The following SOX5 variants were observed in gnomAD, a reference collection of about 807,000 sequenced individuals.
The protein encoded by SOX5 is SRY-box transcription factor 5.
A neutral mutation model predicts 92.0 loss-of-function variants in SOX5; 9 were observed. The observed-to-expected ratio is 0.10, with a 90% CI of 0.06 to 0.17. The LOEUF is 0.17. Among genes scored for constraint, SOX5 ranks in the 10% least tolerant of loss-of-function variants. The pLI is 1.00. For synonymous variants in SOX5, 344 were observed against 336.3 expected (o/e 1.02, Z -0.25); for missense variants, 642 against 944.5 (o/e 0.68, Z 4.20).
intron 3 of SOX5, among the ~76,000 whole-genome samples, chr12:23,786,307 A>G (rs2095376104): frequency 6.6e-6 from 1 of 151,986 alleles, no homozygotes; most frequent in Admixed American, 6.6e-5. Context: ...AGTTCAAACT[A>G]TTGTATGTAG....
chr12:23,678,389 A>G (rs2086046629), intron 6 of SOX5, among the ~76,000 whole-genome samples: 1 of 152,176 alleles, frequency 6.6e-6, no homozygotes, highest in Non-Finnish European at 1.5e-5. Context: ...ATATTTAAAT[A>G]AAGATGAATT....
intron 11 of SOX5, among the ~76,000 whole-genome samples, chr12:23,550,350 T>C (rs910030274): frequency 6.6e-6 from 1 of 151,946 alleles, no homozygotes; most frequent in Non-Finnish European, 1.5e-5. Flanking sequence ...TAGACAAATA[T>C]GTTATCCTCC....
intron 6 of SOX5, among the ~76,000 whole-genome samples, chr12:23,676,997 T>C (rs1005499921): frequency 2.6e-5 from 4 of 152,200 alleles, no homozygotes; most frequent in Non-Finnish European, 5.9e-5. Flanking sequence ...AAGTGATTAT[T>C]TAAAAAGATA....
chr12:23,926,541 T>A (rs968610137), intron 1 of SOX5, among the ~76,000 whole-genome samples: 2 of 152,148 alleles, frequency 1.3e-5, no homozygotes, highest in Non-Finnish European at 2.9e-5. Flanking sequence ...TCTGAACTTA[T>A]GGATTATGTT....
intron 1 of SOX5, among the ~76,000 whole-genome samples, chr12:24,442,158 G>C (rs1436254275): frequency 6.6e-6 from 1 of 152,188 alleles, no homozygotes; most frequent in African/African-American, 2.4e-5. Flanking sequence ...GTGAACTTCT[G>C]AGATTTGTAA....
intron 4 of SOX5, among the ~76,000 whole-genome samples, chr12:24,106,635 T>C (rs1946701837): frequency 6.6e-6 from 1 of 151,538 alleles, no homozygotes; most frequent in Non-Finnish European, 1.5e-5. Flanking sequence ...CTATTAAAAA[T>C]ACAAAACTTA....
intron 2 of SOX5, among the ~76,000 whole-genome samples, chr12:24,321,252 G>A (rs894166551): frequency 6.6e-6 from 1 of 152,176 alleles, no homozygotes; most frequent in Non-Finnish European, 1.5e-5. Flanking sequence ...TTTGTGAACT[G>A]TTTCATTAAT....
chr12:23,601,989 C>G (rs1201935717), intron 9 of SOX5, among the ~76,000 whole-genome samples: 1 of 152,072 alleles, frequency 6.6e-6, no homozygotes, highest in South Asian at 2.1e-4. Context: ...TTAGTTAAAC[C>G]TTTGTGTATT....
intron 2 of SOX5, among the ~76,000 whole-genome samples, chr12:24,319,477 A>G (rs1165765673): frequency 3.9e-5 from 6 of 152,306 alleles, no homozygotes; most frequent in African/African-American, 7.2e-5. Context: ...CCCATAATCA[A>G]TTAATCACCA....
Position 23,557,414 on chromosome 12 carries a change from A to G in SOX5, c.1488+5844T>C, listed in dbSNP as rs888872149. On this transcript the variant is annotated intron_variant, in intron 11 of 14. Coordinates refer to ENST00000451604, the MANE Select transcript of SOX5 (RefSeq NM_006940.6). ...GACAGATGAATTCATAGCATGCATT[A>G]TATGTTTATATTCCAGGTACACTGT... 2.6e-5 allele frequency among the ~76,000 whole-genome samples: 4 copies of G among 152,328 alleles called. No homozygotes were observed. The South Asian group carries it at 6.2e-4, about 24-fold the overall frequency.
chr12:24,345,010 C>T (rs1245457278), intron 2 of SOX5, among the ~76,000 whole-genome samples: 1 of 152,134 alleles, frequency 6.6e-6, no homozygotes, highest in African/African-American at 2.4e-5. Context: ...CAATTACATG[C>T]TAATAGCCAA....
chr12:24,202,708 G>C (rs1027184874), intron 4 of SOX5, among the ~76,000 whole-genome samples: 1 of 152,116 alleles, frequency 6.6e-6, no homozygotes, highest in African/African-American at 2.4e-5. Context: ...TGGGTTGTCT[G>C]ATATTTCTTC....
At chr12:23,632,430 GTAA>G (rs550771089) in intron 8 of SOX5, among the ~76,000 whole-genome samples, 27 of 152,228 alleles carry the variant, frequency 1.8e-4, no homozygotes, top group Middle Eastern at 3.4e-3. Flanking sequence ...ATACATCCTT[GTAA>G]GTAATTCCTT....
rs138062365 is a variant in SOX5, at chr12:24,068,238, G to A, written c.-2+145105C>T. ...TCTGTAAAATTTATGGATTTTAGTC[G>A]TCAATGTGTCCTAGAAAAAGAATTA... On this transcript the variant is annotated intron_variant, in intron 4 of 4. Coordinates refer to the SOX5 transcript ENST00000446891. 4.7e-3 allele frequency among the ~76,000 whole-genome samples: 722 copies of A among 152,248 alleles called. 6 individuals are homozygous for A. The highest frequency in any genetic ancestry group is 0.016 in the African/African-American group (672 of 41,552).
In SOX5 at chr12:24,158,601, T is replaced by G. The variant is rs1386885453; in HGVS notation, c.-2+54742A>C. Reference sequence around the variant, plus strand: ...CATACTTTCAAATGGGGTTTGCCCCTTCAAAATAGTCTCCTTGAAAACAAC... The same window carrying G: ...CATACTTTCAAATGGGGTTTGCCCCGTCAAAATAGTCTCCTTGAAAACAAC... On this transcript the variant is annotated intron_variant, in intron 4 of 4. Coordinates refer to the SOX5 transcript ENST00000446891. Among the ~76,000 whole-genome samples, 3 of 152,132 alleles carry G rather than the reference T, an allele frequency of 2.0e-5. No homozygotes were observed. In the East Asian group the frequency reaches 5.8e-4, roughly 29 times the overall value.
chr12:24,323,450 A>C (rs931650322), intron 2 of SOX5, among the ~76,000 whole-genome samples: 3 of 151,894 alleles, frequency 2.0e-5, no homozygotes, highest in African/African-American at 7.2e-5. Context: ...CTCTAAAACC[A>C]TTTCTGTAAC....
At chr12:24,375,736 CAAAAAAA>C (rs34949948) in intron 1 of SOX5, among the ~76,000 whole-genome samples, 8 of 120,352 alleles carry the variant, frequency 6.6e-5, no homozygotes, top group Admixed American at 3.5e-4. Flanking sequence ...AACTCTGTCT[CAAAAAAA>C]AAAAAAAAAA....
At chr12:23,772,460 A>T (rs1318647443) in intron 3 of SOX5, among the ~76,000 whole-genome samples, 2 of 152,236 alleles carry the variant, frequency 1.3e-5, no homozygotes, top group Non-Finnish European at 2.9e-5. Context: ...TCTTCTGTAA[A>T]TATTTGAAAT....
intron 6 of SOX5, among the ~76,000 whole-genome samples, chr12:23,674,332 A>AG: frequency 1.6e-5 from 1 of 64,412 alleles, no homozygotes; most frequent in Non-Finnish European, 3.1e-5. Flanking sequence ...TACCATAAAA[A>AG]GGAATTTTTT....
Sources: allele counts gnomAD v4.1 joint callset (sites outside exome capture counted in the v4.1 genomes callset), GRCh38; gene constraint gnomAD v4.1.1; transcripts MANE v1.5; gene names NCBI Gene and HGNC (gene_info 2026-07-23, HGNC 2026-07-21).